The following SSMEM1 variants were observed in gnomAD, a reference collection of about 807,000 sequenced individuals.
SSMEM1 encodes the protein serine rich single-pass membrane protein 1, also known as serine-rich single-pass membrane protein 1.
A neutral mutation model predicts 9.9 loss-of-function variants in SSMEM1; 12 were observed. That is an observed-to-expected ratio of 1.21 (90% confidence interval 0.78 to 1.96). The LOEUF (loss-of-function observed/expected upper bound fraction) is 1.96. Among genes scored for constraint, SSMEM1 ranks in the 30% most tolerant of loss-of-function variants. SSMEM1 has a pLI of 0.00. For synonymous variants in SSMEM1, 96 were observed against 98.9 expected (o/e 0.97, Z 0.17); for missense variants, 259 against 292.2 (o/e 0.89, Z 0.83).
upstream of SSMEM1, among the ~76,000 whole-genome samples, chr7:130,206,026 G>A (rs1281418744): frequency 6.6e-6 from 1 of 152,172 alleles, no homozygotes; most frequent in East Asian, 1.9e-4. Flanking sequence ...ATAGGGTGCA[G>A]CAATAACAAG....
chr7:130,216,379 G>C lies in SSMEM1; in HGVS notation c.644G>C (p.Arg215Pro). The change falls in exon 3 of 3, where the codon CGA becomes CCA. Residue 215 changes from arginine (R) to proline (P), a missense_variant. Coordinates refer to ENST00000297819, the MANE Select transcript of SSMEM1 (RefSeq NM_145268.4). The part of the protein sequence containing the change: ...RTNEWLAHHS[R>P]QKPSVTPPMK... ...AACGAATGGTTGGCGCACCATTCCC[G>C]ACAGAAGCCTTCAGTAACACCGCCA... The C allele has an allele frequency of 6.2e-7, 1 of 1,614,182 alleles. No homozygotes were observed.
At chr7:130,210,774 T>C (rs1304067846) in intron 1 of SSMEM1, among the ~76,000 whole-genome samples, 1 of 152,274 alleles carries the variant, frequency 6.6e-6, no homozygotes, top group South Asian at 2.1e-4. Context: ...GTAACCACAG[T>C]TCATATGATC....
chr7:130,210,340 A>C (rs569495506), intron 1 of SSMEM1, among the ~76,000 whole-genome samples: 1 of 152,172 alleles, frequency 6.6e-6, no homozygotes, highest in African/African-American at 2.4e-5. Context: ...GAACTTCTTC[A>C]TTTTCTCTGC....
rs1216663006 is a variant in SSMEM1 at position 130,216,366 on chromosome 7, G to A, written c.631G>A (p.Ala211Thr). 2.5e-6 allele frequency: 4 copies of A among 1,614,194 alleles called. No homozygotes were observed. Among genetic ancestry groups the A allele is most frequent in the Non-Finnish European group, 3.4e-6 (4 of 1,180,042 alleles). ...AGCCTTGAGAACCAACGAATGGTTGGCGCACCATTCCCGACAGAAGCCTTC... is the reference window on the plus strand; with the variant it reads ...AGCCTTGAGAACCAACGAATGGTTGACGCACCATTCCCGACAGAAGCCTTC... ...CKALRTNEWL[A>T]HHSRQKPSVT... The change falls in exon 3 of 3, where the codon GCG becomes ACG. Residue 211 changes from alanine to threonine, a missense_variant. Physicochemically the swap from Ala to Thr is moderately conservative, Grantham distance 58. Transcript: ENST00000297819.
upstream of SSMEM1, chr7:130,205,490 T>A (rs932883368): frequency 2.6e-6 from 4 of 1,538,042 alleles, no homozygotes; most frequent in African/African-American, 4.1e-5. Flanking sequence ...AACTAGGTAG[T>A]CTCTTCTCGC....
chr7:130,213,256 G>A (rs577710866), intron 1 of SSMEM1, among the ~76,000 whole-genome samples: 3 of 152,208 alleles, frequency 2.0e-5, no homozygotes, highest in African/African-American at 7.2e-5. Flanking sequence ...GCCGAGGCAG[G>A]AGAATCACTT....
upstream of SSMEM1, chr7:130,207,615 CTT>C (rs1175310564): frequency 2.6e-5 from 11 of 429,634 alleles, no homozygotes; most frequent in Non-Finnish European, 4.8e-5. Context: ...ACATTAAACA[CTT>C]AGACGTGAAG....
Position 130,208,104 on chromosome 7 carries a change from T to A in SSMEM1, c.183+11T>A, listed in dbSNP as rs1481083611. 6.3e-7 allele frequency: 1 copy of A among 1,585,366 alleles called. No homozygotes were observed. On this transcript the variant is annotated intron_variant, in intron 1 of 2. Transcript: ENST00000297819. ...AGGGCTTCTGTCTGGGTAGGATATCTTTTTTTCATTTTAAATAATATGTTT... is the reference window on the plus strand; with the variant it reads ...AGGGCTTCTGTCTGGGTAGGATATCATTTTTTCATTTTAAATAATATGTTT...
chr7:130,212,871 A>C (rs1798618926), intron 1 of SSMEM1, among the ~76,000 whole-genome samples: 1 of 152,214 alleles, frequency 6.6e-6, no homozygotes. Flanking sequence ...GCTCCTTGTC[A>C]GTGTTATTTT....
intron 2 of SSMEM1, 38 bp downstream of exon 2, chr7:130,213,572 G>C (rs1562906681): frequency 3.8e-6 from 6 of 1,585,234 alleles, no homozygotes; most frequent in South Asian, 2.2e-5. Context: ...GACTATGAGG[G>C]GAAGAATATG....
upstream of SSMEM1, chr7:130,207,639 T>C (rs958670861): frequency 4.0e-6 from 2 of 499,806 alleles, no homozygotes; most frequent in Non-Finnish European, 7.3e-6. Flanking sequence ...TAGGAAAATA[T>C]AGCATATACA....
At chr7:130,214,853 A>T (rs1798673193) in intron 2 of SSMEM1, among the ~76,000 whole-genome samples, 1 of 152,202 alleles carries the variant, frequency 6.6e-6, no homozygotes, top group African/African-American at 2.4e-5. Flanking sequence ...TCATTTTCTT[A>T]AGCCTAGACA....
At chr7:130,206,953 T>G (rs1291385276), upstream of SSMEM1, 1 of 189,846 alleles carries the variant, frequency 5.3e-6, no homozygotes, top group Non-Finnish European at 1.1e-5. Flanking sequence ...GCCACTGCAT[T>G]CCAGTCTGGG....
upstream of SSMEM1, among the ~76,000 whole-genome samples, chr7:130,206,401 CT>C (rs1376478866): frequency 6.6e-6 from 1 of 152,192 alleles, no homozygotes; most frequent in African/African-American, 2.4e-5. Flanking sequence ...GGCCTGGGGA[CT>C]TGTTCTGAAG....
rs1798720284 is a variant in SSMEM1, at chr7:130,216,832, T to A, written c.*362T>A. The A allele has an allele frequency of 4.2e-6, 1 of 239,266 alleles. No homozygotes were observed. The highest frequency in any genetic ancestry group is 8.2e-6 in the Non-Finnish European group (1 of 122,112). The allele number at this position is 239,266 out of a possible 1,614,324, so 14.8% of individuals were successfully genotyped here. ...AAGCTCTTTGAAAATGTATTATTTATGTTGAGAAACCACTTAAATGTATTC... is the reference window on the plus strand; with the variant it reads ...AAGCTCTTTGAAAATGTATTATTTAAGTTGAGAAACCACTTAAATGTATTC... On this transcript the variant is annotated 3_prime_UTR_variant, in exon 3 of 3. Transcript: ENST00000297819.
chr7:130,214,434 A>C (rs1198383912), intron 2 of SSMEM1, among the ~76,000 whole-genome samples: 1 of 152,162 alleles, frequency 6.6e-6, no homozygotes, highest in East Asian at 1.9e-4. Context: ...TAAATAAATA[A>C]ATAAAAATAA....
At chr7:130,213,644 G>A (rs902397441) in intron 2 of SSMEM1, 110 bp downstream of exon 2, 2 of 607,416 alleles carry the variant, frequency 3.3e-6, no homozygotes, top group Non-Finnish European at 5.1e-6. Flanking sequence ...GATTGCTTGA[G>A]CTAAGCAGTT....
chr7:130,214,159 T>C (rs1445097309), intron 2 of SSMEM1, among the ~76,000 whole-genome samples: 1 of 152,234 alleles, frequency 6.6e-6, no homozygotes, highest in Non-Finnish European at 1.5e-5. Context: ...AGGTTGCACG[T>C]CATCTCAGCA....
chr7:130,207,416 C>G (rs973318153), upstream of SSMEM1, among the ~76,000 whole-genome samples: 1 of 152,084 alleles, frequency 6.6e-6, no homozygotes, highest in Non-Finnish European at 1.5e-5. Flanking sequence ...GGATTAGGGC[C>G]CTTATGACCT....
Sources: allele counts gnomAD v4.1 joint callset (sites outside exome capture counted in the v4.1 genomes callset), GRCh38; gene constraint gnomAD v4.1.1; transcripts MANE v1.5; gene names NCBI Gene and HGNC (gene_info 2026-07-23, HGNC 2026-07-21).